Variants in PCDHA3 observed in about 807,000 individuals in gnomAD.
PCDHA3 encodes the protein protocadherin alpha 3, also known as protocadherin alpha-3.
Under a neutral mutation model 62.2 loss-of-function variants are expected in PCDHA3, and 41 were observed. That is an observed-to-expected ratio of 0.66 (90% CI 0.51 to 0.86). The LOEUF (loss-of-function observed/expected upper bound fraction) is 0.86, where lower values mean the gene tolerates loss of function less well. Among genes scored for constraint, PCDHA3 ranks in the 40% least tolerant of loss-of-function variants. The pLI, the probability that PCDHA3 is intolerant of heterozygous loss-of-function variation, is 0.00. For missense variants in PCDHA3, 1,304 were observed against 1,241.2 expected (o/e 1.05, Z -0.76); for synonymous variants, 640 against 555.4 (o/e 1.15, Z -2.14).
chr5:140,826,838 C>CA (rs1486763325), intron 1 of PCDHA3, among the ~76,000 whole-genome samples: 1 of 152,062 alleles, frequency 6.6e-6, no homozygotes, highest in Non-Finnish European at 1.5e-5. Flanking sequence ...AGAAGTTTCT[C>CA]AAGTGTCTTG....
At chr5:140,928,914 A>C in intron 1 of PCDHA3, 2 of 1,614,136 alleles carry the variant, frequency 1.2e-6, no homozygotes, top group Non-Finnish European at 1.7e-6. Flanking sequence ...GGGAACCAGG[A>C]GGGCAGCTTT....
At chr5:140,900,192 A>G (rs1280412667) in intron 1 of PCDHA3, among the ~76,000 whole-genome samples, 2 of 152,186 alleles carry the variant, frequency 1.3e-5, no homozygotes, top group African/African-American at 2.4e-5. Flanking sequence ...ACTTATAATG[A>G]CATCCAGTTT....
rs782509010 is a variant in PCDHA3 at position 140,802,661 on chromosome 5, C to G, written c.1464C>G (p.Ala488=). The change falls in exon 1 of 4, where the codon GCC becomes GCG. Residue 488 remains alanine, a synonymous_variant. Coordinates refer to ENST00000522353, the MANE Select transcript of PCDHA3 (RefSeq NM_018906.3). ...SARDADAQEN[A]LVSYSLVERR... ...GGGACGCGGACGCGCAGGAGAACGCCCTGGTGTCCTACTCGCTGGTGGAAC... is the reference window on the plus strand; with the variant it reads ...GGGACGCGGACGCGCAGGAGAACGCGCTGGTGTCCTACTCGCTGGTGGAAC... 28 of 1,613,536 alleles carry G rather than the reference C, an allele frequency of 1.7e-5. No individual in the cohort carries two copies. The highest frequency in any genetic ancestry group is 1.1e-4 in the African/African-American group (8 of 75,058).
intron 1 of PCDHA3, chr5:140,930,529 C>T (rs1175564392): frequency 6.6e-6 from 1 of 152,500 alleles, no homozygotes; most frequent in African/African-American, 2.4e-5. Flanking sequence ...GGCCCTCAAA[C>T]TTCTTGAGTG....
chr5:141,007,377 A>C (rs13186204), intron 3 of PCDHA3, among the ~76,000 whole-genome samples: 7,611 of 136,554 alleles, frequency 0.056, 239 homozygotes, highest in South Asian at 0.11. Flanking sequence ...ATGATGGAAC[A>C]CCATCTCTAC....
chr5:140,883,844 G>A (rs1404353270), intron 1 of PCDHA3: 4 of 1,612,836 alleles, frequency 2.5e-6, no homozygotes, highest in East Asian at 2.2e-5. Context: ...GTTGGACCAC[G>A]AGGAGCTGGA....
At chr5:140,843,810 T>C in intron 1 of PCDHA3, 1 of 1,274,540 alleles carries the variant, frequency 7.8e-7, no homozygotes, top group Non-Finnish European at 1.1e-6. Context: ...CCGTATTTTA[T>C]AGTGAAAATT....
rs61735497 is a variant in PCDHA3 at position 140,801,899 on chromosome 5, T to C, written c.702T>C (p.Asp234=). 2.7e-4 allele frequency: 442 copies of C among 1,614,214 alleles called. 1 individual carries two copies. The African/African-American group carries it at 5.2e-3, about 19-fold the overall frequency. Reference sequence around the variant, plus strand: ...CTCAACTAAAGATCACTGTTTTAGATGTAAACGACAACGCCCCAGCGTTTG... The same window carrying C: ...CTCAACTAAAGATCACTGTTTTAGACGTAAACGACAACGCCCCAGCGTTTG... ...GTTQLKITVL[D]VNDNAPAFER... The change falls in exon 1 of 4, where the codon GAT becomes GAC. Residue 234 remains aspartate (D), a synonymous_variant. Transcript: ENST00000522353.
At position 140,929,035 on chromosome 5, in the gene PCDHA3, G is replaced by T. The variant is rs6877058; in HGVS notation, c.2395-49914G>T. 2.5e-3 allele frequency: 4,027 copies of T among 1,614,128 alleles called. 64 individuals are homozygous for T. In the African/African-American group the frequency reaches 0.039, roughly 15 times the overall value. On this transcript the variant is annotated intron_variant, in intron 1 of 3. Coordinates refer to ENST00000522353, the MANE Select transcript of PCDHA3 (RefSeq NM_018906.3). The stretch of plus-strand genomic sequence containing the variant: ...GTTGCACCAGAGCCCAGGCTGTTGC[G>T]CTCAGAGCTGCTGTCGCTCTACAGA...
At chr5:140,972,453 G>A (rs2096536665) in intron 1 of PCDHA3, among the ~76,000 whole-genome samples, 3 of 151,360 alleles carry the variant, frequency 2.0e-5, no homozygotes, top group South Asian at 2.1e-4. Context: ...TTTTTCTCTT[G>A]TTGCTTATTA....
At chr5:140,834,251 G>T in intron 1 of PCDHA3, 1 of 915,122 alleles carries the variant, frequency 1.1e-6, no homozygotes, top group Non-Finnish European at 1.7e-6. Context: ...GCACTGGAAA[G>T]ACGCTCCACT....
chr5:140,866,287 C>T (rs1396371419), intron 1 of PCDHA3: 1 of 152,074 alleles, frequency 6.6e-6, no homozygotes, highest in Non-Finnish European at 1.5e-5. Flanking sequence ...GTGTTTGGGA[C>T]AAGTATAGAT....
intron 1 of PCDHA3, chr5:140,929,005 A>G: frequency 6.2e-7 from 1 of 1,614,062 alleles, no homozygotes; most frequent in Non-Finnish European, 8.5e-7. Context: ...CTTCGTGTGT[A>G]CCAAGTTGCA....
intron 3 of PCDHA3, among the ~76,000 whole-genome samples, chr5:141,005,828 T>A (rs752447584): frequency 6.7e-6 from 1 of 149,690 alleles, no homozygotes; most frequent in African/African-American, 2.5e-5. Context: ...TGGCCTGTAG[T>A]CCCAGCCACT....
Position 140,978,951 on chromosome 5 carries a change from A to G in PCDHA3, c.2397A>G (p.Pro799=). Residue 799 remains proline, a splice_region_variant and synonymous_variant, in exon 2 of 4, where the codon CCA becomes CCG. Coordinates refer to ENST00000522353, the MANE Select transcript of PCDHA3 (RefSeq NM_018906.3). ...QDVDVDLSAK[P]RQPNPDWRYS... ...AAACTCTCTTTGTGATTTTGCAGCC[A>G]CGACAGCCCAACCCTGACTGGCGTT... is the stretch of plus-strand genomic sequence containing the variant. 1.2e-6 allele frequency: 2 copies of G among 1,614,182 alleles called. No homozygotes were observed. The highest frequency in any genetic ancestry group is 1.7e-6 in the Non-Finnish European group (2 of 1,180,032).
At chr5:140,968,322 C>T (rs782755782) in intron 1 of PCDHA3, 9 of 1,614,122 alleles carry the variant, frequency 5.6e-6, no homozygotes, top group Non-Finnish European at 6.8e-6. Context: ...CTGCCAGTCA[C>T]CTCCTATGTC....
At chr5:140,955,648 A>G (rs1554222007) in intron 1 of PCDHA3, among the ~76,000 whole-genome samples, 1 of 152,138 alleles carries the variant, frequency 6.6e-6, no homozygotes, top group East Asian at 1.9e-4. Flanking sequence ...ACAAATTAAT[A>G]CACATATGAA....
intron 1 of PCDHA3, among the ~76,000 whole-genome samples, chr5:140,935,942 G>A (rs2090659965): frequency 6.8e-6 from 1 of 147,088 alleles, no homozygotes; most frequent in Non-Finnish European, 1.5e-5. Flanking sequence ...GCCCAGGCTG[G>A]AGTAAAGTGG....
chr5:140,802,916 C>A lies in PCDHA3; in HGVS notation c.1719C>A (p.Ile573=). 6.2e-7 allele frequency: 1 copy of A among 1,613,734 alleles called. No homozygotes were observed. The highest frequency in any genetic ancestry group is 8.5e-7 in the Non-Finnish European group (1 of 1,179,872). ...PALLMPRVGG[I]GGAVSELVPR... ...TGCTGATGCCTCGGGTGGGTGGCATCGGTGGCGCAGTGAGCGAGCTGGTGC... is the reference window on the plus strand; with the variant it reads ...TGCTGATGCCTCGGGTGGGTGGCATAGGTGGCGCAGTGAGCGAGCTGGTGC... Residue 573 remains isoleucine (I), a synonymous_variant, in exon 1 of 4, where the codon ATC becomes ATA. Coordinates refer to ENST00000522353, the MANE Select transcript of PCDHA3 (RefSeq NM_018906.3).
Sources: allele counts gnomAD v4.1 joint callset (sites outside exome capture counted in the v4.1 genomes callset), GRCh38; gene constraint gnomAD v4.1.1; transcripts MANE v1.5; gene names NCBI Gene and HGNC (gene_info 2026-07-23, HGNC 2026-07-21).